Variants in PDE8A observed in about 807,000 individuals in gnomAD.
The protein encoded by PDE8A is high affinity cAMP-specific and IBMX-insensitive 3',5'-cyclic phosphodiesterase 8A.
Under a neutral mutation model 105.0 loss-of-function variants are expected in PDE8A, and 59 were observed. That is an observed-to-expected ratio of 0.56 (90% CI 0.46 to 0.70). The LOEUF (loss-of-function observed/expected upper bound fraction) is 0.70. Among genes scored for constraint, PDE8A ranks in the 30% least tolerant of loss-of-function variants. The pLI is 0.00. For synonymous variants in PDE8A, 355 were observed against 371.9 expected (o/e 0.95, Z 0.52); for missense variants, 1,014 against 1,045.9 (o/e 0.97, Z 0.42).
chr15:85,090,265 A>G (rs1364974538), intron 7 of PDE8A, among the ~76,000 whole-genome samples: 2 of 152,350 alleles, frequency 1.3e-5, no homozygotes, highest in Admixed American at 6.5e-5. Flanking sequence ...GGAAATGGAA[A>G]TAATATTAGT....
chr15:85,113,362 T>TC lies in PDE8A; in HGVS notation c.1115-12dup. The TC allele has an allele frequency of 6.2e-7, 1 of 1,612,494 alleles. No individual in the cohort carries two copies. On this transcript the variant is annotated splice_polypyrimidine_tract_variant and intron_variant, in intron 12 of 21. Coordinates refer to ENST00000394553, the MANE Select transcript of PDE8A (RefSeq NM_002605.3). ...AGTTGTGCATGCCCTGATTTGTGCATCCCTTTCTCCACAGTTTCCAGCCAG... is the reference window on the plus strand; with the variant it reads ...AGTTGTGCATGCCCTGATTTGTGCATCCCCTTTCTCCACAGTTTCCAGCCAG...
chr15:85,137,152 C>T (rs752938368), intron 21 of PDE8A, among the ~76,000 whole-genome samples: 5 of 152,168 alleles, frequency 3.3e-5, no homozygotes, highest in Non-Finnish European at 5.9e-5. Context: ...GTCCTGAGGG[C>T]TGCACCTTGA....
At chr15:85,078,371 C>A (rs1338074694) in intron 5 of PDE8A, among the ~76,000 whole-genome samples, 2 of 151,602 alleles carry the variant, frequency 1.3e-5, no homozygotes, top group East Asian at 3.9e-4. Flanking sequence ...CATGGTGAAA[C>A]CCTGTCTTGA....
chr15:84,982,205 G>C lies in PDE8A; in HGVS notation c.43G>C (p.Ala15Pro). Reference protein sequence around the residue: ...PSIHISERLVAEDAPSPAAPP... With the variant: ...PSIHISERLVPEDAPSPAAPP... ...CATCCACATTTCCGAGCGCCTGGTG[G>C]CCGAGGACGCGCCTAGCCCCGCGGC... Residue 15 changes from alanine (A) to proline (P), a missense_variant, in exon 1 of 22, where the codon GCC becomes CCC. Ala to Pro is a conservative substitution (Grantham distance 27). Transcript: ENST00000394553. 6.7e-7 allele frequency: 1 copy of C among 1,484,946 alleles called. No individual in the cohort carries two copies. The highest frequency in any genetic ancestry group is 1.3e-5 in the South Asian group (1 of 78,916). 92.0% of individuals were successfully genotyped at this position (1,484,946 alleles called of 1,614,324 possible).
intron 20 of PDE8A, among the ~76,000 whole-genome samples, chr15:85,128,719 G>A (rs911542853): frequency 2.0e-5 from 3 of 152,188 alleles, no homozygotes; most frequent in African/African-American, 7.2e-5. Flanking sequence ...TTATAGGCAA[G>A]TATTTGTCCA....
rs1160228274 is a variant in PDE8A, at chr15:85,126,322, T to A, written c.2201T>A (p.Leu734Gln). 3.7e-5 allele frequency: 59 copies of A among 1,612,142 alleles called. No homozygotes were observed. Among genetic ancestry groups the A allele is most frequent in the Non-Finnish European group, 4.7e-5 (56 of 1,179,146 alleles). The change falls in exon 20 of 22, where the codon CTG becomes CAG. Residue 734 changes from leucine to glutamine, a missense_variant. Physicochemically the swap from Leu to Gln is moderately radical, Grantham distance 113. Transcript: ENST00000394553. ...CADVSNPCRPLQYCIEWAARI... is the reference protein window; with the variant it reads ...CADVSNPCRPQQYCIEWAARI... ...GATGTGTCCAATCCCTGCCGACCCC[T>A]GCAGTACTGCATCGAGTGGGCTGCA...
At chr15:85,106,547 G>T (rs1371499904) in intron 11 of PDE8A, among the ~76,000 whole-genome samples, 1 of 152,178 alleles carries the variant, frequency 6.6e-6, no homozygotes, top group Non-Finnish European at 1.5e-5. Flanking sequence ...TGGCTATGTG[G>T]ACATTACTCA....
chr15:84,998,201 A>C (rs978155088), intron 1 of PDE8A, among the ~76,000 whole-genome samples: 23 of 152,218 alleles, frequency 1.5e-4, no homozygotes, highest in South Asian at 2.1e-4. Context: ...CGAAACCCTA[A>C]GGCAGTTGTG....
chr15:85,132,838 CTG>C lies in PDE8A; in HGVS notation c.2254-3674_2254-3673del, dbSNP rs6145662. Among the ~76,000 whole-genome samples the C allele has an allele frequency of 3.6e-3, 548 of 151,044 alleles. 2 individuals are homozygous for C. Among genetic ancestry groups the C allele is most frequent in the African/African-American group, 9.9e-3 (408 of 41,102 alleles). On this transcript the variant is annotated intron_variant, in intron 20 of 21. Coordinates refer to ENST00000394553, the MANE Select transcript of PDE8A (RefSeq NM_002605.3). Reference sequence around the variant, plus strand: ...CCTGTCATTTCCTATAGTTCCTGGTCTGTGTGTGTGTGTGTGTGTGTGTTTTT... The same window carrying C: ...CCTGTCATTTCCTATAGTTCCTGGTCTGTGTGTGTGTGTGTGTGTGTTTTT...
At chr15:84,996,695 A>G (rs2142166040) in intron 1 of PDE8A, among the ~76,000 whole-genome samples, 2 of 151,922 alleles carry the variant, frequency 1.3e-5, no homozygotes, top group Middle Eastern at 6.8e-3. Context: ...GTATAGTGGC[A>G]CATGCCTGTA....
At position 85,100,140 on chromosome 15, in the gene PDE8A, T is replaced by C. The variant is rs754564679; in HGVS notation, c.994-16T>C. On this transcript the variant is annotated splice_polypyrimidine_tract_variant and intron_variant, in intron 10 of 21. Transcript: ENST00000394553. ...TTCAGCAATCAGAACTAATGGCTTT[T>C]AAAATTCACTTTTAGGCTGAGAAAA... 6.2e-7 allele frequency: 1 copy of C among 1,614,022 alleles called. No individual in the cohort carries two copies. Among genetic ancestry groups the C allele is most frequent in the Non-Finnish European group, 8.5e-7 (1 of 1,179,858 alleles).
At chr15:85,019,942 GGTT>G (rs2080394620) in intron 1 of PDE8A, among the ~76,000 whole-genome samples, 6 of 82,838 alleles carry the variant, frequency 7.2e-5, no homozygotes, top group Admixed American at 1.3e-4. Flanking sequence ...GTTTTTTTTT[GGTT>G]TTTTTTTTTT....
chr15:85,002,090 C>A (rs138405804), intron 1 of PDE8A, among the ~76,000 whole-genome samples: 1 of 152,150 alleles, frequency 6.6e-6, no homozygotes, highest in East Asian at 1.9e-4. Flanking sequence ...CGTAAAGCAG[C>A]TTTTCAGTTT....
chr15:85,026,627 G>A (rs2141365313), intron 1 of PDE8A, among the ~76,000 whole-genome samples: 1 of 152,210 alleles, frequency 6.6e-6, no homozygotes, highest in African/African-American at 2.4e-5. Context: ...CTCTCAATGG[G>A]TAGAGAGTCA....
chr15:85,089,528 C>T lies in PDE8A; in HGVS notation c.714+112C>T, dbSNP rs1023427475. The T allele has an allele frequency of 5.3e-6, 3 of 561,706 alleles. No individual in the cohort carries two copies. The South Asian group carries it at 8.0e-5, about 15-fold the overall frequency. 34.8% of individuals were successfully genotyped at this position (561,706 alleles called of 1,614,324 possible). On this transcript the variant is annotated intron_variant, in intron 7 of 21. Coordinates refer to ENST00000394553, the MANE Select transcript of PDE8A (RefSeq NM_002605.3). Reference sequence around the variant, plus strand: ...TTTTTTCTTTTTGAAGTTTAGGAGACCAGTTTTTCCTTCGAGGATTATCAG... The same window carrying T: ...TTTTTTCTTTTTGAAGTTTAGGAGATCAGTTTTTCCTTCGAGGATTATCAG...
chr15:85,009,238 G>T (rs1051425980), intron 1 of PDE8A, among the ~76,000 whole-genome samples: 2 of 151,984 alleles, frequency 1.3e-5, no homozygotes, highest in Non-Finnish European at 2.9e-5. Context: ...CTAAAAAACT[G>T]ACCTATGGAG....
intron 9 of PDE8A, among the ~76,000 whole-genome samples, chr15:85,099,410 G>A (rs998897590): frequency 6.6e-6 from 1 of 152,224 alleles, no homozygotes; most frequent in African/African-American, 2.4e-5. Flanking sequence ...TGGGTTCTCT[G>A]TTCTGATTCT....
chr15:85,084,686 C>T (rs1596501759), intron 6 of PDE8A, among the ~76,000 whole-genome samples: 2 of 152,222 alleles, frequency 1.3e-5, no homozygotes, highest in Non-Finnish European at 2.9e-5. Flanking sequence ...AACTGACTTA[C>T]ACCCAAGATC....
chr15:84,986,065 A>G (rs2079797100), intron 1 of PDE8A, among the ~76,000 whole-genome samples: 1 of 152,068 alleles, frequency 6.6e-6, no homozygotes, highest in East Asian at 1.9e-4. Context: ...TCTCTACCAA[A>G]AAATAAAAAA....
Sources: gnomAD v4.1 joint callset for allele counts (sites outside exome capture counted in the v4.1 genomes callset) on GRCh38, gnomAD v4.1.1 for gene constraint, MANE v1.5 for transcripts, NCBI Gene and HGNC (gene_info 2026-07-23, HGNC 2026-07-21) for gene names.